The following METTL15 variants were observed in gnomAD, a reference collection of about 807,000 sequenced individuals.
METTL15 encodes the protein 12S rRNA N(4)-cytidine methyltransferase METTL15.
METTL15 carries 34 observed loss-of-function variants against 38.3 expected under a neutral mutation model. That is an observed-to-expected ratio of 0.89 (90% CI 0.68 to 1.18). The LOEUF (loss-of-function observed/expected upper bound fraction) is 1.18, where lower values mean the gene tolerates loss of function less well. Ranked by LOEUF, METTL15 falls within the 50% of genes most tolerant of loss-of-function variation. The pLI, the probability that METTL15 is intolerant of heterozygous loss-of-function variation, is 0.00. For synonymous variants in METTL15, 162 were observed against 170.9 expected, an observed-to-expected ratio of 0.95 and a Z score of 0.41; for missense variants, 438 against 498.4, an observed-to-expected ratio of 0.88 and a Z score of 1.15.
At chr11:28,394,052 C>A (rs2133396642) in intron 5 of METTL15, among the ~76,000 whole-genome samples, 1 of 152,162 alleles carries the variant, frequency 6.6e-6, no homozygotes, top group East Asian at 1.9e-4. Flanking sequence ...ATGTGTCTGA[C>A]TTTTCCATTA....
chr11:28,323,218 A>G (rs1312308186), intron 6 of METTL15, among the ~76,000 whole-genome samples: 3 of 151,996 alleles, frequency 2.0e-5, no homozygotes, highest in Admixed American at 1.3e-4. Flanking sequence ...TTTTTTAACA[A>G]TGACTGTGTT....
chr11:28,134,549 C>T (rs993134009), intron 3 of METTL15: 5 of 398,370 alleles, frequency 1.3e-5, no homozygotes, highest in Non-Finnish European at 2.2e-5. Flanking sequence ...CCTTCAGCAA[C>T]TGCTGTTGCG....
At chr11:28,486,905 A>G (rs1366316122) in intron 6 of METTL15, among the ~76,000 whole-genome samples, 2 of 152,102 alleles carry the variant, frequency 1.3e-5, no homozygotes, top group Non-Finnish European at 2.9e-5. Context: ...CCATGGCCAC[A>G]TTTTTTCAGT....
At chr11:28,526,477 G>C (rs1851813160) in intron 6 of METTL15, 1 of 152,236 alleles carries the variant, frequency 6.6e-6, no homozygotes, top group Admixed American at 6.5e-5. Context: ...TCTTTTAGCA[G>C]TTTGAATATG....
At chr11:28,510,078 G>A (rs908203109) in intron 6 of METTL15, among the ~76,000 whole-genome samples, 1 of 152,152 alleles carries the variant, frequency 6.6e-6, no homozygotes, top group African/African-American at 2.4e-5. Context: ...GAAGTGCTAT[G>A]CAGGCCAGAG....
At chr11:28,372,476 C>T (rs527285014) in intron 5 of METTL15, among the ~76,000 whole-genome samples, 5 of 131,264 alleles carry the variant, frequency 3.8e-5, no homozygotes, top group Non-Finnish European at 8.0e-5. Context: ...TTTCTCCATG[C>T]CAATACATGT....
intron 3 of METTL15, among the ~76,000 whole-genome samples, chr11:28,177,822 A>G (rs1423412528): frequency 1.3e-5 from 2 of 152,072 alleles, no homozygotes; most frequent in Admixed American, 6.6e-5. Flanking sequence ...AGAGAGGTCA[A>G]TAGTTCTAGT....
chr11:28,529,267 A>G (rs972890611), downstream of METTL15, among the ~76,000 whole-genome samples: 1 of 152,102 alleles, frequency 6.6e-6, no homozygotes, highest in Non-Finnish European at 1.5e-5. Flanking sequence ...GCCTTGTGTC[A>G]GCCTCTGGTT....
chr11:28,500,471 A>G (rs1279068271), intron 6 of METTL15, among the ~76,000 whole-genome samples: 1 of 152,010 alleles, frequency 6.6e-6, no homozygotes, highest in African/African-American at 2.4e-5. Flanking sequence ...TTTCTCCTGT[A>G]TTCTGCTCTC....
At chr11:28,413,507 C>A (rs187224132) in intron 5 of METTL15, among the ~76,000 whole-genome samples, 1 of 152,236 alleles carries the variant, frequency 6.6e-6, no homozygotes, top group African/African-American at 2.4e-5. Context: ...ATAGAAAACA[C>A]TCTTATTGAA....
At chr11:28,190,666 T>C (rs903115829) in intron 3 of METTL15, among the ~76,000 whole-genome samples, 6 of 151,224 alleles carry the variant, frequency 4.0e-5, no homozygotes, top group Non-Finnish European at 5.9e-5. Context: ...AAAAGCTTAG[T>C]ATGATGCTTA....
intron 3 of METTL15, among the ~76,000 whole-genome samples, chr11:28,207,367 C>G (rs1225833998): frequency 3.9e-5 from 6 of 152,084 alleles, no homozygotes; most frequent in Non-Finnish European, 5.9e-5. Flanking sequence ...TTGAGATAAT[C>G]ATGTGGTTTT....
intron 4 of METTL15, among the ~76,000 whole-genome samples, chr11:28,272,870 A>C (rs80082760): frequency 0.051 from 7,786 of 152,172 alleles, 251 homozygotes; most frequent in South Asian, 0.13. Context: ...CCTGAGTTTA[A>C]TTCTTAGCTT....
chr11:28,343,802 C>T (rs76569656), intron 3 of METTL15, among the ~76,000 whole-genome samples: 3 of 151,924 alleles, frequency 2.0e-5, no homozygotes, highest in Admixed American at 1.3e-4. Flanking sequence ...GCACTGGGGG[C>T]AATAGAGTAA....
chr11:28,256,130 A>C (rs1854962157), intron 4 of METTL15, among the ~76,000 whole-genome samples: 1 of 152,170 alleles, frequency 6.6e-6, no homozygotes, highest in African/African-American at 2.4e-5. Context: ...TTTTGCATTA[A>C]TATTTATTGG....
intron 5 of METTL15, among the ~76,000 whole-genome samples, chr11:28,368,187 A>G (rs552400511): frequency 2.0e-5 from 3 of 151,726 alleles, no homozygotes; most frequent in African/African-American, 7.2e-5. Flanking sequence ...AGAAAAAAAA[A>G]CACAACTAAA....
intron 4 of METTL15, among the ~76,000 whole-genome samples, chr11:28,253,598 C>T (rs1590221239): frequency 7.2e-6 from 1 of 138,782 alleles, no homozygotes; most frequent in African/African-American, 2.7e-5. Flanking sequence ...CCCCTCATGG[C>T]CCCAACCCCC....
chr11:28,279,559 T>C (rs1053438072), intron 4 of METTL15, among the ~76,000 whole-genome samples: 1 of 152,212 alleles, frequency 6.6e-6, no homozygotes. Context: ...ATTTTATTAT[T>C]CATTTTGAGG....
chr11:28,303,076 G>T (rs1017650781), intron 6 of METTL15, among the ~76,000 whole-genome samples: 5 of 152,224 alleles, frequency 3.3e-5, no homozygotes, highest in African/African-American at 1.2e-4. Flanking sequence ...AAAGAAATCT[G>T]GGTATTTTCC....
Sources: gnomAD v4.1 joint callset for allele counts (sites outside exome capture counted in the v4.1 genomes callset) on GRCh38, gnomAD v4.1.1 for gene constraint, MANE v1.5 for transcripts, NCBI Gene and HGNC (gene_info 2026-07-23, HGNC 2026-07-21) for gene names.